Variants in ALDH1A1 observed in about 807,000 individuals in gnomAD.
ALDH1A1 encodes the protein aldehyde dehydrogenase 1 family member A1, also known as aldehyde dehydrogenase 1A1.
A neutral mutation model predicts 62.1 loss-of-function variants in ALDH1A1; 19 were observed. That is an observed-to-expected ratio of 0.31 (90% CI 0.21 to 0.45). ALDH1A1 has a LOEUF of 0.45. Ranked by LOEUF, ALDH1A1 falls within the 20% of genes least tolerant of loss-of-function variation. The probability of loss-of-function intolerance (pLI) is 1.00; values close to 1 mark genes in which losing one functional copy is unlikely to be tolerated. For missense variants in ALDH1A1, 521 were observed against 607.1 expected, an observed-to-expected ratio of 0.86 and a Z score of 1.49; for synonymous variants, 231 against 215.9, an observed-to-expected ratio of 1.07 and a Z score of -0.61.
chr9:72,901,246 T>G lies in ALDH1A1; in HGVS notation c.1468A>C (p.Lys490Gln). ...TGAGAGATTTTCACTGTGACTGTTTTGACCTCTGTATATTCATGGAAACCG... is the reference window on the plus strand; with the variant it reads ...TGAGAGATTTTCACTGTGACTGTTTGGACCTCTGTATATTCATGGAAACCG... The part of the protein sequence containing the change: ...EYGFHEYTEV[K>Q]TVTVKISQKN... Residue 490 changes from lysine (K) to glutamine (Q), a missense_variant, in exon 13 of 13, where the codon AAA becomes CAA. Physicochemically the swap from Lys to Gln is moderately conservative, Grantham distance 53. Coordinates refer to ENST00000297785, the MANE Select transcript of ALDH1A1 (RefSeq NM_000689.5). 1 of 1,610,662 alleles carries G rather than the reference T, an allele frequency of 6.2e-7. No individual in the cohort carries two copies. The highest frequency in any genetic ancestry group is 1.1e-5 in the South Asian group (1 of 90,982).
At chr9:72,925,165 T>C (rs575628173) in intron 6 of ALDH1A1, among the ~76,000 whole-genome samples, 1 of 152,310 alleles carries the variant, frequency 6.6e-6, no homozygotes, top group East Asian at 1.9e-4. Context: ...CAACTTAATG[T>C]TTCAACATTT....
rs557049884 is a variant in ALDH1A1, at chr9:72,900,921, C to T, written c.*287G>A. The T allele has an allele frequency of 1.1e-4, 26 of 237,366 alleles. No individual in the cohort carries two copies. In the South Asian group the frequency reaches 2.1e-3, roughly 19 times the overall value. The allele number at this position is 237,366 out of a possible 1,614,324, so 14.7% of individuals were successfully genotyped here. Reference sequence around the variant, plus strand: ...TAAAATTATTATCCTGCAAAAGTAGCTACAAAGGAAAATCACATAACTATG... The same window carrying T: ...TAAAATTATTATCCTGCAAAAGTAGTTACAAAGGAAAATCACATAACTATG... On this transcript the variant is annotated 3_prime_UTR_variant, in exon 13 of 13. Transcript: ENST00000297785.
At chr9:72,908,567 GAAAGAAAGAAAGA>G (rs1829924604) in intron 11 of ALDH1A1, among the ~76,000 whole-genome samples, 1 of 43,230 alleles carries the variant, frequency 2.3e-5, no homozygotes, top group Admixed American at 2.9e-4. Context: ...AAGAAAGAAA[GAAAGAAAGAAAGA>G]AAGAAAGAAA....
chr9:72,925,362 T>TC, intron 6 of ALDH1A1, 122 bp downstream of exon 6: 3 of 859,762 alleles, frequency 3.5e-6, no homozygotes, highest in Non-Finnish European at 3.2e-6. Flanking sequence ...CTAAATGTAT[T>TC]CCCCCCACTG....
At position 72,912,050 on chromosome 9, in the gene ALDH1A1, A is replaced by G. The variant is rs1829998260; in HGVS notation, c.1108T>C (p.Cys370Arg). The change falls in exon 10 of 13, where the codon TGT becomes CGT. Residue 370 changes from cysteine to arginine, a missense_variant. Transcript: ENST00000297785. ...SGKKEGAKLE[C>R]GGGPWGNKGY... ...TTATTCCCCCACGGGCCTCCTCCAC[A>G]TTCCAGTTTGGCCCCTTCTTTCTTC... 1 of 1,613,756 alleles carries G rather than the reference A, an allele frequency of 6.2e-7. No homozygotes were observed. Among genetic ancestry groups the G allele is most frequent in the African/African-American group, 1.3e-5 (1 of 74,896 alleles).
chr9:72,902,284 A>T (rs1353321295), intron 12 of ALDH1A1, among the ~76,000 whole-genome samples: 1 of 152,066 alleles, frequency 6.6e-6, no homozygotes, highest in Non-Finnish European at 1.5e-5. Context: ...AAGAGGATCA[A>T]ATTACATGTA....
At chr9:72,933,499 A>T (rs1830308814) in intron 2 of ALDH1A1, among the ~76,000 whole-genome samples, 1 of 150,366 alleles carries the variant, frequency 6.7e-6, no homozygotes, top group African/African-American at 2.5e-5. Flanking sequence ...AAGTGGGAGG[A>T]TCGTTTGAAC....
In ALDH1A1 at chr9:72,911,935, C is replaced by T. The variant is rs749467487; in HGVS notation, c.1200+23G>A. Reference sequence around the variant, plus strand: ...AGACAAAACATGGCAACAAAAAGAACAGAACAGAATGAAGCCATTTACCTC... The same window carrying T: ...AGACAAAACATGGCAACAAAAAGAATAGAACAGAATGAAGCCATTTACCTC... On this transcript the variant is annotated intron_variant, in intron 10 of 12. Transcript: ENST00000297785. 9.9e-6 allele frequency: 16 copies of T among 1,612,934 alleles called. No individual in the cohort carries two copies. In the Admixed American group the frequency reaches 2.2e-4, roughly 22 times the overall value.
chr9:72,903,659 C>G (rs1341805034), intron 12 of ALDH1A1, among the ~76,000 whole-genome samples: 1 of 149,266 alleles, frequency 6.7e-6, no homozygotes, highest in Non-Finnish European at 1.5e-5. Context: ...AAGAAATTAT[C>G]TATACTCATG....
intron 1 of ALDH1A1, among the ~76,000 whole-genome samples, chr9:72,942,074 T>C (rs959423695): frequency 2.6e-4 from 39 of 152,154 alleles, no homozygotes; most frequent in African/African-American, 4.8e-5. Flanking sequence ...CATTGTATTA[T>C]CTTTTGGGAA....
chr9:72,950,142 G>A (rs1043831490), intron 1 of ALDH1A1, among the ~76,000 whole-genome samples: 2 of 151,838 alleles, frequency 1.3e-5, no homozygotes, highest in East Asian at 3.9e-4. Context: ...GATCACTAAC[G>A]TTAAATCATT....
chr9:72,905,381 C>T (rs1057012100), intron 12 of ALDH1A1, among the ~76,000 whole-genome samples: 1 of 151,968 alleles, frequency 6.6e-6, no homozygotes, highest in Non-Finnish European at 1.5e-5. Flanking sequence ...TTAATCTAGT[C>T]ACTACTATAA....
At position 72,918,736 on chromosome 9, in the gene ALDH1A1, C is replaced by G. The variant is rs779144420; in HGVS notation, c.834G>C (p.Val278=). The G allele has an allele frequency of 6.4e-7, 1 of 1,561,752 alleles. No individual in the cohort carries two copies. Among genetic ancestry groups the G allele is most frequent in the Non-Finnish European group, 8.7e-7 (1 of 1,151,568 alleles). Residue 278 remains valine (V), a synonymous_variant, in exon 8 of 13, where the codon GTG becomes GTC. Transcript: ENST00000297785. ...TCTACTCACAGTCGGCATCAGCTAA[C>G]ACAATGCAAGGGCTCTTTCCTCCAA... The part of the protein sequence containing the change: ...LELGGKSPCI[V]LADADLDNAV...
At position 72,901,268 on chromosome 9, in the gene ALDH1A1, A is replaced by C. The variant is rs897120108; in HGVS notation, c.1446T>G (p.Gly482=). Residue 482 remains glycine (G), a synonymous_variant, in exon 13 of 13, where the codon GGT becomes GGG. Transcript: ENST00000297785. ...SGNGRELGEY[G]FHEYTEVKTV... ...TTTTGACCTCTGTATATTCATGGAA[A>C]CCGTACTCTCCCCTAGAGAGAAGAA... 4.4e-6 allele frequency: 7 copies of C among 1,608,554 alleles called. No homozygotes were observed. The highest frequency in any genetic ancestry group is 5.1e-6 in the Non-Finnish European group (6 of 1,177,120).
At chr9:72,921,681 G>A (rs1406351901) in intron 7 of ALDH1A1, among the ~76,000 whole-genome samples, 1 of 71,414 alleles carries the variant, frequency 1.4e-5, no homozygotes, top group Non-Finnish European at 2.7e-5. Context: ...CCCCTCCCCC[G>A]ACCCCACCAC....
At chr9:72,934,722 C>G (rs550485141) in intron 2 of ALDH1A1, among the ~76,000 whole-genome samples, 1 of 152,306 alleles carries the variant, frequency 6.6e-6, no homozygotes, top group African/African-American at 2.4e-5. Flanking sequence ...TAAGAGCCTA[C>G]TAAGCTCCAG....
Position 72,901,267 on chromosome 9 carries a change from A to G in ALDH1A1, c.1447T>C (p.Phe483Leu). Residue 483 changes from phenylalanine (F) to leucine (L), a missense_variant, in exon 13 of 13, where the codon TTC becomes CTC. By Grantham distance (22) the Phe-to-Leu change is conservative. Transcript: ENST00000297785. ...GNGRELGEYG[F>L]HEYTEVKTVT... ...GTTTTGACCTCTGTATATTCATGGAAACCGTACTCTCCCCTAGAGAGAAGA... is the reference window on the plus strand; with the variant it reads ...GTTTTGACCTCTGTATATTCATGGAGACCGTACTCTCCCCTAGAGAGAAGA... The G allele has an allele frequency of 6.2e-7, 1 of 1,608,618 alleles. No homozygotes were observed.
intron 1 of ALDH1A1, among the ~76,000 whole-genome samples, chr9:72,949,882 GTGA>G (rs1830521724): frequency 6.6e-6 from 1 of 150,924 alleles, no homozygotes; most frequent in Non-Finnish European, 1.5e-5. Context: ...CAACAGTATT[GTGA>G]AGAGAGAATG....
chr9:72,935,153 T>C (rs541993522), intron 2 of ALDH1A1, among the ~76,000 whole-genome samples: 3 of 152,160 alleles, frequency 2.0e-5, no homozygotes, highest in Non-Finnish European at 4.4e-5. Flanking sequence ...ACAAAACTTA[T>C]ACATTATTCA....
Sources: gnomAD v4.1 joint callset for allele counts (sites outside exome capture counted in the v4.1 genomes callset) on GRCh38, gnomAD v4.1.1 for gene constraint, MANE v1.5 for transcripts, NCBI Gene and HGNC (gene_info 2026-07-23, HGNC 2026-07-21) for gene names.